Variants in ZNF518B observed in about 807,000 individuals in gnomAD.
ZNF518B encodes zinc finger protein 518B.
In ZNF518B, 23 loss-of-function variants were observed where a neutral mutation model predicts 56.3. That is an observed-to-expected ratio of 0.41 (90% CI 0.29 to 0.58). The LOEUF (loss-of-function observed/expected upper bound fraction) is 0.58, where lower values mean the gene tolerates loss of function less well. Ranked by LOEUF, ZNF518B falls within the 20% of genes least tolerant of loss-of-function variation. ZNF518B has a pLI of 0.32. For missense variants in ZNF518B, 1,460 were observed against 1,272.1 expected, an observed-to-expected ratio of 1.15 and a Z score of -2.25; for synonymous variants, 529 against 465.9, an observed-to-expected ratio of 1.14 and a Z score of -1.74.
In ZNF518B at chr4:10,445,526, T is replaced by C. The variant is rs763944318; in HGVS notation, c.803A>G (p.Asn268Ser). ...DQLSGFSLHA[N>S]KDKMHNIMLL... ...CATGATATTGTGCATTTTGTCTTTA[T>C]TTGCATGGAGAGAGAAACCTGACAG... The change falls in exon 3 of 3, where the codon AAT (asparagine) becomes AGT (serine). Residue 268 changes from asparagine to serine, a missense_variant. Transcript: ENST00000326756. 2.5e-6 allele frequency: 4 copies of C among 1,614,204 alleles called. No homozygotes were observed. Among genetic ancestry groups the C allele is most frequent in the African/African-American group, 1.3e-5 (1 of 75,056 alleles).
rs1714596072 is a variant in ZNF518B at position 10,439,943 on chromosome 4, T to C, written c.*3161A>G. On this transcript the variant is annotated 3_prime_UTR_variant, in exon 3 of 3. Transcript: ENST00000326756. ...AAATTTATGCCAACTCCTGTATCTA[T>C]ATACAAACATGTTTCAAAACCAGAG... The C allele has an allele frequency of 6.6e-6, 1 of 152,658 alleles. No individual in the cohort carries two copies. The highest frequency in any genetic ancestry group is 2.1e-4 in the South Asian group (1 of 4,838). 9.5% of individuals were successfully genotyped at this position (152,658 alleles called of 1,614,324 possible).
Position 10,443,860 on chromosome 4 carries a change from T to C in ZNF518B, c.2469A>G (p.Leu823=), listed in dbSNP as rs1162968826. The change falls in exon 3 of 3, where the codon TTA becomes TTG. Residue 823 remains leucine, a synonymous_variant. Coordinates refer to ENST00000326756, the MANE Select transcript of ZNF518B (RefSeq NM_053042.3). ...FCPVRQADSD[L]QPLRSERGPI... is the part of the protein sequence containing the mutation. ...GCCCCCTTTCACTTCTTAAAGGCTG[T>C]AAGTCTGAGTCCGCCTGTCTCACAG... The C allele has an allele frequency of 1.2e-6, 2 of 1,614,208 alleles. No individual in the cohort carries two copies. Among genetic ancestry groups the C allele is most frequent in the East Asian group, 2.2e-5 (1 of 44,878 alleles).
chr4:10,446,099 C>T lies in ZNF518B; in HGVS notation c.230G>A (p.Gly77Asp). The change falls in exon 3 of 3, where the codon GGT becomes GAT. Residue 77 changes from glycine to aspartate, a missense_variant. Coordinates refer to ENST00000326756, the MANE Select transcript of ZNF518B (RefSeq NM_053042.3). Reference sequence around the variant, plus strand: ...GACATACATACCGTCCTTCCCTGTACCCTTCTGCAAATCTTGAAGAGAGAT... The same window carrying T: ...GACATACATACCGTCCTTCCCTGTATCCTTCTGCAAATCTTGAAGAGAGAT... ...HKISLQDLQK[G>D]TGKDGMYVCF... The T allele has an allele frequency of 6.2e-7, 1 of 1,614,172 alleles. No individual in the cohort carries two copies. The highest frequency in any genetic ancestry group is 8.5e-7 in the Non-Finnish European group (1 of 1,180,036).
At chr4:10,456,582 C>G (rs914410812) in intron 1 of ZNF518B, among the ~76,000 whole-genome samples, 1 of 152,182 alleles carries the variant, frequency 6.6e-6, no homozygotes, top group Non-Finnish European at 1.5e-5. Context: ...CAATGCCAGG[C>G]TGGTTTTCGA....
chr4:10,443,770 G>C lies in ZNF518B; in HGVS notation c.2559C>G (p.Val853=), dbSNP rs1221405345. 1 of 1,614,208 alleles carries C rather than the reference G, an allele frequency of 6.2e-7. No individual in the cohort carries two copies. The highest frequency in any genetic ancestry group is 8.5e-7 in the Non-Finnish European group (1 of 1,180,038). ...LRPKLRKESA[V]CSTIHRKTGL... ...CAGTTTTTCTATGGATGGTGCTACAGACAGCACTCTCTTTTCTCAGTTTAG... is the reference window on the plus strand; with the variant it reads ...CAGTTTTTCTATGGATGGTGCTACACACAGCACTCTCTTTTCTCAGTTTAG... The change falls in exon 3 of 3, where the codon GTC becomes GTG. Residue 853 remains valine (V), a synonymous_variant. Transcript: ENST00000326756.
Position 10,443,983 on chromosome 4 carries a change from A to C in ZNF518B, c.2346T>G (p.Asn782Lys). ...CTATGATGTGGGCATTCTCAGAGGA[A>C]TTAAGAACCCTCAACACAGCCCCTT... is the stretch of plus-strand genomic sequence containing the variant. ...IPKGAVLRVL[N>K]SSENAHIIEA... is the part of the protein sequence containing the mutation. The change falls in exon 3 of 3, where the codon AAT becomes AAG. Residue 782 changes from asparagine to lysine, a missense_variant. By Grantham distance (94) the Asn-to-Lys change is moderately conservative. Transcript: ENST00000326756. 1 of 1,614,232 alleles carries C rather than the reference A, an allele frequency of 6.2e-7. No individual in the cohort carries two copies. The highest frequency in any genetic ancestry group is 1.1e-5 in the South Asian group (1 of 91,090).
At chr4:10,457,754 C>T (rs995667717), upstream of ZNF518B, among the ~76,000 whole-genome samples, 1 of 152,230 alleles carries the variant, frequency 6.6e-6, no homozygotes, top group Non-Finnish European at 1.5e-5. Context: ...GCCTGCAGTC[C>T]TGCAGTGGGT....
upstream of ZNF518B, among the ~76,000 whole-genome samples, chr4:10,460,329 A>AAAAAAAAAAAAC (rs1715708902): frequency 7.0e-6 from 1 of 143,248 alleles, no homozygotes; most frequent in Non-Finnish European, 1.5e-5. Context: ...AAAAACCAAA[A>AAAAAAAAAAAAC]AAAAAAAAAC....
chr4:10,447,485 G>A (rs1715112177), intron 2 of ZNF518B, among the ~76,000 whole-genome samples: 1 of 152,098 alleles, frequency 6.6e-6, no homozygotes, highest in Non-Finnish European at 1.5e-5. Flanking sequence ...AAGGAGAATG[G>A]GGAACGGGAC....
At position 10,444,487 on chromosome 4, in the gene ZNF518B, C is replaced by T. The variant is rs745935889; in HGVS notation, c.1842G>A (p.Lys614=). The stretch of plus-strand genomic sequence containing the variant: ...TTTCAGAATTCTTTAATTCCAAAGG[C>T]TTATCCCCAGGCTGTTGAGATCTAT... ...GEDRSQQPGD[K]PLELKNSERT... Residue 614 remains lysine, a synonymous_variant, in exon 3 of 3, where the codon AAG becomes AAA. Coordinates refer to ENST00000326756, the MANE Select transcript of ZNF518B (RefSeq NM_053042.3). The T allele has an allele frequency of 1.2e-6, 2 of 1,614,032 alleles. No homozygotes were observed. The highest frequency in any genetic ancestry group is 1.3e-5 in the African/African-American group (1 of 74,916).
rs144140696 is a variant in ZNF518B at position 10,445,044 on chromosome 4, G to T, written c.1285C>A (p.Leu429Ile). 8 of 1,614,016 alleles carry T rather than the reference G, an allele frequency of 5.0e-6. No individual in the cohort carries two copies. The African/African-American group carries it at 1.1e-4, about 22-fold the overall frequency. The change falls in exon 3 of 3, where the codon CTT (leucine) becomes ATT (isoleucine). Residue 429 changes from leucine (L) to isoleucine (I), a missense_variant. Leu to Ile is a conservative substitution (Grantham distance 5, BLOSUM62 2). Coordinates refer to ENST00000326756, the MANE Select transcript of ZNF518B (RefSeq NM_053042.3). The stretch of plus-strand genomic sequence containing the variant: ...GACCTTACCCATTTCACATTTTTAA[G>T]CTGTTTCTGAACTGAAGGTTGAAAA... ...DSFQPSVQKQ[L>I]KNVKWVRSYD...
Position 10,442,280 on chromosome 4 carries a change from T to C in ZNF518B, c.*824A>G, listed in dbSNP as rs1714715909. 1 of 152,238 alleles carries C rather than the reference T, an allele frequency of 6.6e-6. No individual in the cohort carries two copies. The highest frequency in any genetic ancestry group is 1.5e-5 in the Non-Finnish European group (1 of 68,034). The allele number at this position is 152,238 out of a possible 1,614,324, so 9.4% of individuals were successfully genotyped here. On this transcript the variant is annotated 3_prime_UTR_variant, in exon 3 of 3. Transcript: ENST00000326756. ...TAAGCCTGTTCCCTAGCATTTTAAATTGGTCACTTATGTTTCTGGGAGTGG... is the reference window on the plus strand; with the variant it reads ...TAAGCCTGTTCCCTAGCATTTTAAACTGGTCACTTATGTTTCTGGGAGTGG...
chr4:10,459,306 G>A (rs1005583509), upstream of ZNF518B, among the ~76,000 whole-genome samples: 10 of 152,164 alleles, frequency 6.6e-5, no homozygotes, highest in African/African-American at 2.4e-4. Flanking sequence ...AGGAAAAATA[G>A]AAACTACTTC....
chr4:10,456,633 G>A (rs1204523538), intron 1 of ZNF518B, among the ~76,000 whole-genome samples: 1 of 152,210 alleles, frequency 6.6e-6, no homozygotes. Flanking sequence ...GGCAGCATCC[G>A]AGGCGAGCGC....
Position 10,447,619 on chromosome 4 carries a change from G to A in ZNF518B, c.-211-1080C>T, listed in dbSNP as rs74669089. Reference sequence around the variant, plus strand: ...AGGTGACGAAGGTTTTCTAGAGCAAGTAAGCACTCCAATATACACAGAGTG... The same window carrying A: ...AGGTGACGAAGGTTTTCTAGAGCAAATAAGCACTCCAATATACACAGAGTG... On this transcript the variant is annotated intron_variant, in intron 2 of 2. Transcript: ENST00000326756. Among the ~76,000 whole-genome samples, 995 of 149,248 alleles carry A rather than the reference G, an allele frequency of 6.7e-3. 11 individuals are homozygous for A. The highest frequency in any genetic ancestry group is 0.023 in the African/African-American group (942 of 40,692).
intron 2 of ZNF518B, among the ~76,000 whole-genome samples, chr4:10,450,322 C>A (rs1227187489): frequency 6.6e-6 from 1 of 152,192 alleles, no homozygotes; most frequent in Non-Finnish European, 1.5e-5. Context: ...CAAGATAATG[C>A]AATGTTACTA....
At chr4:10,446,641 A>C (rs1715068544) in intron 2 of ZNF518B, 102 bp from the exon 3 acceptor site, 1 of 251,612 alleles carries the variant, frequency 4.0e-6, no homozygotes, top group African/African-American at 2.2e-5. Context: ...TTTTATGGTA[A>C]ATCTCAACGT....
chr4:10,445,921 A>G lies in ZNF518B; in HGVS notation c.408T>C (p.Tyr136=), dbSNP rs1034592459. 5.6e-6 allele frequency: 9 copies of G among 1,614,078 alleles called. No homozygotes were observed. Among genetic ancestry groups the G allele is most frequent in the Non-Finnish European group, 7.6e-6 (9 of 1,180,058 alleles). ...KVRNFKPGKY[Y]CDKCRFSTKD... Reference sequence around the variant, plus strand: ...TTGTAGAGAATCGACATTTATCACAATAGTATTTGCCTGGCTTAAAGTTCC... The same window carrying G: ...TTGTAGAGAATCGACATTTATCACAGTAGTATTTGCCTGGCTTAAAGTTCC... The change falls in exon 3 of 3, where the codon TAT becomes TAC. Residue 136 remains tyrosine, a synonymous_variant. Transcript: ENST00000326756.
At position 10,443,050 on chromosome 4, in the gene ZNF518B, A is replaced by C; in HGVS notation, c.*54T>G. 1 of 1,466,110 alleles carries C rather than the reference A, an allele frequency of 6.8e-7. No homozygotes were observed. Among genetic ancestry groups the C allele is most frequent in the South Asian group, 1.3e-5 (1 of 76,354 alleles). The allele number at this position is 1,466,110 out of a possible 1,614,324, so 90.8% of individuals were successfully genotyped here. On this transcript the variant is annotated 3_prime_UTR_variant, in exon 3 of 3. Coordinates refer to ENST00000326756, the MANE Select transcript of ZNF518B (RefSeq NM_053042.3). The stretch of plus-strand genomic sequence containing the variant: ...TCTTCTACTGAATCTTGGTGGAGGG[A>C]CTCCAAACCAGAATAAACTAAAAGA...
Sources: allele counts gnomAD v4.1 joint callset (sites outside exome capture counted in the v4.1 genomes callset), GRCh38; gene constraint gnomAD v4.1.1; transcripts MANE v1.5; gene names NCBI Gene and HGNC (gene_info 2026-07-23, HGNC 2026-07-21).